Variants in BAZ1B observed in about 807,000 individuals in gnomAD.
BAZ1B encodes tyrosine-protein kinase BAZ1B.
In BAZ1B, 22 loss-of-function variants were observed where a neutral mutation model predicts 153.8. That is an observed-to-expected ratio of 0.14 (90% CI 0.10 to 0.20). The LOEUF (loss-of-function observed/expected upper bound fraction) is 0.20, where lower values mean the gene tolerates loss of function less well. Among genes scored for constraint, BAZ1B ranks in the 10% least tolerant of loss-of-function variants. The pLI, the probability that BAZ1B is intolerant of heterozygous loss-of-function variation, is 1.00. For missense variants in BAZ1B, 1,325 were observed against 1,799.3 expected (o/e 0.74, Z 4.77); for synonymous variants, 676 against 633.4 (o/e 1.07, Z -1.01).
At chr7:73,451,211 A>G (rs1788017366) in intron 13 of BAZ1B, among the ~76,000 whole-genome samples, 1 of 152,234 alleles carries the variant, frequency 6.6e-6, no homozygotes, top group Non-Finnish European at 1.5e-5. Context: ...GACTGGGGAC[A>G]AGCATCTTCT....
In BAZ1B at chr7:73,508,313, G is replaced by T; in HGVS notation, c.369+14C>A. 1 of 1,610,416 alleles carries T rather than the reference G, an allele frequency of 6.2e-7. No individual in the cohort carries two copies. The highest frequency in any genetic ancestry group is 1.1e-5 in the South Asian group (1 of 90,290). On this transcript the variant is annotated intron_variant, in intron 3 of 19. Transcript: ENST00000339594. ...TCTGATGGTAAGTCAAATCAGAAAC[G>T]AACAGGCACTCACCTCGAAGTCACA...
chr7:73,510,924 T>A, intron 1 of BAZ1B, 72 bp from the exon 2 acceptor site: 2 of 1,253,342 alleles, frequency 1.6e-6, no homozygotes, highest in Non-Finnish European at 2.3e-6. Flanking sequence ...AAGATACTTA[T>A]ATACAGAAAA....
At chr7:73,443,506 A>C (rs1554565589) in intron 17 of BAZ1B, among the ~76,000 whole-genome samples, 1 of 145,694 alleles carries the variant, frequency 6.9e-6, no homozygotes, top group African/African-American at 2.4e-5. Context: ...TGATCTGTCA[A>C]AACAAGCACC....
At position 73,465,433 on chromosome 7, in the gene BAZ1B, T is replaced by A; in HGVS notation, c.3071+6A>T. 6.4e-7 allele frequency: 1 copy of A among 1,570,588 alleles called. No individual in the cohort carries two copies. The highest frequency in any genetic ancestry group is 1.4e-5 in the African/African-American group (1 of 73,494). The stretch of plus-strand genomic sequence containing the variant: ...AGATGTGAGGAGTAAGATGAAAACC[T>A]CTTACCTCTTCTCTAGTCTCTCTTT... On this transcript the variant is annotated splice_donor_region_variant and intron_variant, in intron 11 of 19. Transcript: ENST00000339594.
intron 5 of BAZ1B, among the ~76,000 whole-genome samples, chr7:73,491,898 C>T (rs10231201): frequency 6.6e-6 from 1 of 151,778 alleles, no homozygotes; most frequent in Non-Finnish European, 1.5e-5. Flanking sequence ...ATCCACCTTT[C>T]TAAGATTCTG....
chr7:73,456,937 C>CCAAA (rs1788224952), intron 13 of BAZ1B, among the ~76,000 whole-genome samples: 1 of 39,550 alleles, frequency 2.5e-5, no homozygotes, highest in South Asian at 1.2e-3. Flanking sequence ...GACTCTGTCT[C>CCAAA]AAAAAAAAAA....
At chr7:73,520,409 AG>A (rs1440210509) in intron 1 of BAZ1B, among the ~76,000 whole-genome samples, 1 of 152,142 alleles carries the variant, frequency 6.6e-6, no homozygotes, top group African/African-American at 2.4e-5. Context: ...AAAGTGAAGG[AG>A]TAACATTCCA....
chr7:73,516,758 G>A (rs1583962244), intron 1 of BAZ1B, among the ~76,000 whole-genome samples: 1 of 89,110 alleles, frequency 1.1e-5, no homozygotes, highest in Admixed American at 1.8e-4. Context: ...CTGGGCGACA[G>A]ACTGTGACTG....
intron 11 of BAZ1B, among the ~76,000 whole-genome samples, 162 bp downstream of exon 11, chr7:73,465,277 A>C (rs931577004): frequency 6.6e-6 from 1 of 152,228 alleles, no homozygotes; most frequent in Non-Finnish European, 1.5e-5. Flanking sequence ...TCCAATAAGC[A>C]TAATATGCCA....
At chr7:73,470,275 A>C in intron 8 of BAZ1B, 70 bp downstream of exon 8, 1 of 1,455,144 alleles carries the variant, frequency 6.9e-7, no homozygotes, top group Non-Finnish European at 9.3e-7. Context: ...CTTGTACTTT[A>C]GAAAATTTTC....
intron 3 of BAZ1B, among the ~76,000 whole-genome samples, chr7:73,499,102 T>C (rs1157882493): frequency 1.3e-5 from 2 of 152,056 alleles, no homozygotes; most frequent in Non-Finnish European, 2.9e-5. Flanking sequence ...CTCGGCTCAC[T>C]GCAACCTCCG....
At chr7:73,521,749 TG>T in intron 1 of BAZ1B, 77 bp downstream of exon 1, 2 of 1,267,328 alleles carry the variant, frequency 1.6e-6, no homozygotes, top group South Asian at 2.9e-5. Flanking sequence ...GATGCGCGGC[TG>T]ACCTGGTCTC....
intron 5 of BAZ1B, among the ~76,000 whole-genome samples, chr7:73,492,228 T>G (rs1790288984): frequency 6.6e-6 from 1 of 152,090 alleles, no homozygotes; most frequent in Non-Finnish European, 1.5e-5. Context: ...AGTGGCGTGA[T>G]CTCCACTCAC....
chr7:73,446,940 T>C (rs1307601980), intron 16 of BAZ1B, among the ~76,000 whole-genome samples: 1 of 152,248 alleles, frequency 6.6e-6, no homozygotes, highest in Non-Finnish European at 1.5e-5. Flanking sequence ...AAGATCTTCC[T>C]TCCCCATTGT....
chr7:73,500,760 G>A (rs947009912), intron 3 of BAZ1B, among the ~76,000 whole-genome samples: 10 of 151,512 alleles, frequency 6.6e-5, no homozygotes, highest in African/African-American at 2.4e-4. Context: ...GCATGGTGGC[G>A]GGCACCTGTA....
At position 73,498,594 on chromosome 7, in the gene BAZ1B, A is replaced by G. The variant is rs1315802542; in HGVS notation, c.474T>C (p.Ser158=). ...TGGAGTTCTCTTTGTCACTTGATGG[A>G]GAATCACAGGCACCATCAGATTTCT... ...TEKKSDGACD[S]PSSDKENSSQ... The change falls in exon 4 of 20, where the codon TCT becomes TCC. Residue 158 remains serine (S), a synonymous_variant. Coordinates refer to ENST00000339594, the MANE Select transcript of BAZ1B (RefSeq NM_032408.4). 1 of 1,614,000 alleles carries G rather than the reference A, an allele frequency of 6.2e-7. No individual in the cohort carries two copies. The highest frequency in any genetic ancestry group is 8.5e-7 in the Non-Finnish European group (1 of 1,179,896).
rs1788134759 is a variant in BAZ1B at position 73,454,818 on chromosome 7, G to A, written c.3433-3824C>T. Among the ~76,000 whole-genome samples the A allele has an allele frequency of 2.6e-5, 4 of 151,980 alleles. No homozygotes were observed. In the South Asian group the frequency reaches 8.3e-4, roughly 31 times the overall value. ...ACACCACAGTAAGCGTCCCCTGCCG[G>A]TCTCTCACACTCAAATTGAGTTCCC... On this transcript the variant is annotated intron_variant, in intron 13 of 19. Coordinates refer to ENST00000339594, the MANE Select transcript of BAZ1B (RefSeq NM_032408.4).
intron 3 of BAZ1B, among the ~76,000 whole-genome samples, chr7:73,501,514 A>G (rs1321375294): frequency 6.6e-6 from 1 of 152,060 alleles, no homozygotes; most frequent in Non-Finnish European, 1.5e-5. Flanking sequence ...TGATTTTCAC[A>G]GCTGAGAGGG....
intron 16 of BAZ1B, among the ~76,000 whole-genome samples, chr7:73,446,828 T>C (rs2116225663): frequency 6.6e-6 from 1 of 152,312 alleles, no homozygotes; most frequent in East Asian, 1.9e-4. Flanking sequence ...CCCTGCACAC[T>C]GCAGGGAGGA....
Sources: gnomAD v4.1 joint callset for allele counts (sites outside exome capture counted in the v4.1 genomes callset) on GRCh38, gnomAD v4.1.1 for gene constraint, MANE v1.5 for transcripts, NCBI Gene and HGNC (gene_info 2026-07-23, HGNC 2026-07-21) for gene names.